EPB41L4A: variants seen among roughly 807,000 people sequenced by gnomAD.
EPB41L4A encodes band 4.1-like protein 4A.
In EPB41L4A, 100 loss-of-function variants were observed where a neutral mutation model predicts 108.6. The observed-to-expected ratio is 0.92, with a 90% CI of 0.78 to 1.09. EPB41L4A has a LOEUF of 1.09. EPB41L4A is among the 50% of genes least tolerant of loss of function. The pLI is 0.00. For missense variants in EPB41L4A, 1,030 were observed against 842.7 expected, an observed-to-expected ratio of 1.22 and a Z score of -2.75; for synonymous variants, 319 against 289.0, an observed-to-expected ratio of 1.10 and a Z score of -1.05.
intron 12 of EPB41L4A, among the ~76,000 whole-genome samples, chr5:112,153,855 T>A (rs1470673679): frequency 6.6e-6 from 1 of 151,004 alleles, no homozygotes; most frequent in African/African-American, 2.4e-5. Context: ...ATCTTATAGT[T>A]TTATTACTTA....
chr5:112,157,847 C>A (rs989264607), downstream of EPB41L4A, among the ~76,000 whole-genome samples: 13 of 152,130 alleles, frequency 8.5e-5, no homozygotes, highest in Admixed American at 2.6e-4. Flanking sequence ...ACAGGGAAAC[C>A]CAGGTTGCTT....
chr5:112,195,033 T>C (rs1761892663), intron 16 of EPB41L4A, among the ~76,000 whole-genome samples: 1 of 152,180 alleles, frequency 6.6e-6, no homozygotes, highest in South Asian at 2.1e-4. Flanking sequence ...AGAGTTTATT[T>C]CCCTATCCTC....
At chr5:112,205,571 T>A in intron 13 of EPB41L4A, 67 bp from the exon 14 acceptor site, 1 of 1,231,716 alleles carries the variant, frequency 8.1e-7, no homozygotes, top group Non-Finnish European at 1.2e-6. Flanking sequence ...CACATACTTA[T>A]TTGTTAAGTA....
At chr5:112,231,620 C>A (rs1216041066) in intron 12 of EPB41L4A, among the ~76,000 whole-genome samples, 2 of 150,630 alleles carry the variant, frequency 1.3e-5, no homozygotes, top group Middle Eastern at 3.4e-3. Context: ...CCCGTCTCTA[C>A]TAAAAATACA....
chr5:112,203,867 C>A (rs1025620980), intron 15 of EPB41L4A, among the ~76,000 whole-genome samples: 1 of 151,852 alleles, frequency 6.6e-6, no homozygotes, highest in Non-Finnish European at 1.5e-5. Context: ...CATGGAAAAA[C>A]CCCTACTAAA....
In EPB41L4A at chr5:112,259,161, C is replaced by A. The variant is rs535296897; in HGVS notation, c.795+68G>T. 6 of 1,246,284 alleles carry A rather than the reference C, an allele frequency of 4.8e-6. No homozygotes were observed. In the East Asian group the frequency reaches 9.3e-5, roughly 19 times the overall value. 77.2% of individuals were successfully genotyped at this position (1,246,284 alleles called of 1,614,324 possible). A position where few individuals can be genotyped will look rare whatever the true frequency, so the allele number is the denominator to read the frequency against. ...TGAAGAAAACATTTCTTCACAATGT[C>A]TTTTAAGCTACAAATGAACACACAA... On this transcript the variant is annotated intron_variant, in intron 9 of 22. Transcript: ENST00000261486.
intron 12 of EPB41L4A, among the ~76,000 whole-genome samples, chr5:112,219,831 G>A (rs1165853909): frequency 6.6e-6 from 1 of 152,108 alleles, no homozygotes; most frequent in Admixed American, 6.6e-5. Flanking sequence ...AAGAAGCTGG[G>A]ACTACAGATG....
chr5:112,419,386 G>C, upstream of EPB41L4A: 1 of 357,580 alleles, frequency 2.8e-6, no homozygotes. Context: ...AAGTCTCCTG[G>C]CACTGGGGGC....
intron 1 of EPB41L4A, among the ~76,000 whole-genome samples, chr5:112,335,307 A>G (rs1191671690): frequency 6.6e-6 from 1 of 152,240 alleles, no homozygotes; most frequent in Non-Finnish European, 1.5e-5. Flanking sequence ...TTGAACAGTC[A>G]GACACCTTTT....
intron 1 of EPB41L4A, among the ~76,000 whole-genome samples, chr5:112,342,096 G>C (rs1284980877): frequency 1.3e-5 from 2 of 152,086 alleles, no homozygotes; most frequent in Non-Finnish European, 2.9e-5. Context: ...ATTCTTGGGA[G>C]ACACAAACTA....
rs1580823870 is a variant in EPB41L4A at position 112,395,304 on chromosome 5, A to G, written c.99+23637T>C. Among the ~76,000 whole-genome samples, 25 of 152,378 alleles carry G rather than the reference A, an allele frequency of 1.6e-4. 1 individual carries two copies. In the South Asian group the frequency reaches 5.2e-3, roughly 32 times the overall value. On this transcript the variant is annotated intron_variant, in intron 1 of 22. Coordinates refer to ENST00000261486, the MANE Select transcript of EPB41L4A (RefSeq NM_022140.5). ...AAAAGAAACTACCATCAGAGTGAAC[A>G]GGCAACCTACAGAATGGGAGAAAAT...
At chr5:112,370,698 T>G (rs1759438506) in intron 1 of EPB41L4A, among the ~76,000 whole-genome samples, 1 of 152,164 alleles carries the variant, frequency 6.6e-6, no homozygotes, top group Non-Finnish European at 1.5e-5. Flanking sequence ...GCAGATCACC[T>G]GAGGTCAGGA....
At chr5:112,161,458 G>A (rs1759897239), downstream of EPB41L4A, 1 of 514,252 alleles carries the variant, frequency 1.9e-6, no homozygotes, top group Non-Finnish European at 3.9e-6. Flanking sequence ...GCAACCTTAT[G>A]CCATAAAGCC....
intron 2 of EPB41L4A, among the ~76,000 whole-genome samples, chr5:112,290,911 G>C (rs547224176): frequency 1.3e-5 from 2 of 152,230 alleles, no homozygotes; most frequent in Admixed American, 1.3e-4. Context: ...CAATTCACAT[G>C]GTTAGCACAG....
At chr5:112,155,012 A>G (rs1304613655) in intron 12 of EPB41L4A, among the ~76,000 whole-genome samples, 1 of 152,188 alleles carries the variant, frequency 6.6e-6, no homozygotes, top group Non-Finnish European at 1.5e-5. Context: ...AAAGAACTAG[A>G]ACACCTGAAT....
chr5:112,346,777 CAG>C (rs1757704685), intron 1 of EPB41L4A, among the ~76,000 whole-genome samples: 1 of 152,282 alleles, frequency 6.6e-6, no homozygotes, highest in African/African-American at 2.4e-5. Context: ...TTCAGTAAAA[CAG>C]AATTTGCATT....
chr5:112,254,519 C>T (rs754144340), intron 9 of EPB41L4A, among the ~76,000 whole-genome samples: 75 of 152,232 alleles, frequency 4.9e-4, no homozygotes, highest in East Asian at 3.9e-4. Flanking sequence ...CCAATTTCCC[C>T]GCAAGTCCTC....
chr5:112,254,206 G>C (rs867069182), intron 9 of EPB41L4A, among the ~76,000 whole-genome samples: 14 of 152,266 alleles, frequency 9.2e-5, no homozygotes, highest in Middle Eastern at 3.4e-3. Flanking sequence ...TCCTGTGTTA[G>C]GAATTACATC....
At chr5:112,204,317 G>C (rs2150296563) in intron 15 of EPB41L4A, 58 bp downstream of exon 15, 2 of 1,160,702 alleles carry the variant, frequency 1.7e-6, no homozygotes, top group Non-Finnish European at 2.6e-6. Context: ...ATAAAGTCAG[G>C]CCTGGGACAA....
Sources: gnomAD v4.1 joint callset for allele counts (sites outside exome capture counted in the v4.1 genomes callset) on GRCh38, gnomAD v4.1.1 for gene constraint, MANE v1.5 for transcripts, NCBI Gene and HGNC (gene_info 2026-07-23, HGNC 2026-07-21) for gene names.